Variants in EXOC4 observed in about 807,000 individuals in gnomAD.
EXOC4 encodes exocyst complex component 4.
A neutral mutation model predicts 107.2 loss-of-function variants in EXOC4; 71 were observed. That is an observed-to-expected ratio of 0.66 (90% CI 0.55 to 0.81). The LOEUF (loss-of-function observed/expected upper bound fraction) is 0.81, where lower values mean the gene tolerates loss of function less well. EXOC4 is among the 30% of genes least tolerant of loss of function. The pLI, the probability that EXOC4 is intolerant of heterozygous loss-of-function variation, is 0.00. For synonymous variants in EXOC4, 456 were observed against 441.2 expected, an observed-to-expected ratio of 1.03 and a Z score of -0.42; for missense variants, 1,108 against 1,189.6, an observed-to-expected ratio of 0.93 and a Z score of 1.01.
intron 7 of EXOC4, among the ~76,000 whole-genome samples, chr7:133,466,394 C>T (rs1017960532): frequency 2.6e-5 from 4 of 152,046 alleles, no homozygotes; most frequent in Non-Finnish European, 4.4e-5. Context: ...GGAGATATAA[C>T]TACAGGCTCT....
intron 9 of EXOC4, among the ~76,000 whole-genome samples, chr7:133,554,621 A>G (rs1250230902): frequency 6.6e-6 from 1 of 152,076 alleles, no homozygotes. Context: ...CCTCCTCATT[A>G]TTTGAAACCT....
At chr7:134,056,380 A>T (rs1795924207) in intron 17 of EXOC4, among the ~76,000 whole-genome samples, 2 of 152,248 alleles carry the variant, frequency 1.3e-5, no homozygotes, top group African/African-American at 4.8e-5. Flanking sequence ...TAAATAAAAA[A>T]ATCACAGAAC....
chr7:133,945,392 C>T (rs1472763401), intron 14 of EXOC4, among the ~76,000 whole-genome samples: 1 of 152,174 alleles, frequency 6.6e-6, no homozygotes, highest in Non-Finnish European at 1.5e-5. Flanking sequence ...GTTCTTCTAT[C>T]CTCTGGAGCT....
chr7:133,473,786 C>T (rs887373340), intron 7 of EXOC4, among the ~76,000 whole-genome samples: 8 of 151,844 alleles, frequency 5.3e-5, no homozygotes, highest in African/African-American at 9.7e-5. Flanking sequence ...CTGCAAGCTC[C>T]GCCTCCTGGG....
At chr7:133,320,864 A>C (rs1029638627) in intron 5 of EXOC4, among the ~76,000 whole-genome samples, 1 of 152,218 alleles carries the variant, frequency 6.6e-6, no homozygotes, top group Non-Finnish European at 1.5e-5. Flanking sequence ...TACTAAGTAC[A>C]TATAAAAGTA....
chr7:134,075,554 A>G, the EXOC4 span, among the ~76,000 whole-genome samples: 1 of 152,178 alleles, frequency 6.6e-6, no homozygotes, highest in African/African-American at 2.4e-5. Context: ...AGATCTCATG[A>G]GACTTATTCA....
At chr7:133,789,938 C>G (rs979923147) in intron 10 of EXOC4, among the ~76,000 whole-genome samples, 3 of 152,122 alleles carry the variant, frequency 2.0e-5, no homozygotes, top group Non-Finnish European at 4.4e-5. Flanking sequence ...CAAGGACTTG[C>G]CCCTCTTTCT....
intron 9 of EXOC4, among the ~76,000 whole-genome samples, chr7:133,591,563 TGTGTGC>T (rs1379288500): frequency 0.062 from 912 of 14,598 alleles, 10 homozygotes; most frequent in African/African-American, 0.084. Flanking sequence ...TGTGTGTGTG[TGTGTGC>T]GTGTGTGTGT....
intron 10 of EXOC4, among the ~76,000 whole-genome samples, chr7:133,665,010 A>G (rs1793780879): frequency 2.6e-5 from 4 of 152,258 alleles, no homozygotes; most frequent in East Asian, 1.9e-4. Context: ...GGGAATCTCT[A>G]CTTTGTTAAA....
At position 133,454,358 on chromosome 7, in the gene EXOC4, G is replaced by T. The variant is rs979597138; in HGVS notation, c.1183-20970G>T. Among the ~76,000 whole-genome samples, 5 of 152,272 alleles carry T rather than the reference G, an allele frequency of 3.3e-5. No homozygotes were observed. The East Asian group carries it at 9.7e-4, about 29-fold the overall frequency. ...GTGTTGCCCAGGTTGGGGTGCAATG[G>T]TGTGATCTTGGCTCACTGCAGCCAT... On this transcript the variant is annotated intron_variant, in intron 7 of 17. Transcript: ENST00000253861.
chr7:134,053,550 A>G (rs1271220610), intron 17 of EXOC4, among the ~76,000 whole-genome samples: 1 of 146,972 alleles, frequency 6.8e-6, no homozygotes, highest in Non-Finnish European at 1.5e-5. Context: ...TGATGAAAGT[A>G]TATCTGATTT....
At chr7:133,276,554 G>C (rs1462407809) in intron 2 of EXOC4, among the ~76,000 whole-genome samples, 1 of 151,614 alleles carries the variant, frequency 6.6e-6, no homozygotes, top group Non-Finnish European at 1.5e-5. Flanking sequence ...TTTTTAATGT[G>C]ATATTTTGCA....
At chr7:133,293,712 A>G (rs982169495) in intron 3 of EXOC4, among the ~76,000 whole-genome samples, 2 of 152,210 alleles carry the variant, frequency 1.3e-5, no homozygotes, top group Non-Finnish European at 2.9e-5. Flanking sequence ...TGCATAAAAT[A>G]ATTAAATTGT....
intron 10 of EXOC4, among the ~76,000 whole-genome samples, chr7:133,751,836 T>A (rs1795799548): frequency 6.6e-6 from 1 of 152,080 alleles, no homozygotes; most frequent in Non-Finnish European, 1.5e-5. Flanking sequence ...CTGAATTTTC[T>A]AATTTATTTT....
At chr7:133,830,507 G>A (rs1488724606) in intron 11 of EXOC4, among the ~76,000 whole-genome samples, 1 of 152,200 alleles carries the variant, frequency 6.6e-6, no homozygotes, top group East Asian at 1.9e-4. Flanking sequence ...ATTGCCAACA[G>A]CTATGTTAAA....
intron 9 of EXOC4, among the ~76,000 whole-genome samples, chr7:133,530,066 C>G (rs766040243): frequency 2.1e-4 from 32 of 152,144 alleles, no homozygotes; most frequent in Non-Finnish European, 3.2e-4. Context: ...CCCAAGGTCA[C>G]ATAGCCTGCA....
At chr7:133,552,078 T>C (rs1800600561) in intron 9 of EXOC4, among the ~76,000 whole-genome samples, 1 of 152,204 alleles carries the variant, frequency 6.6e-6, no homozygotes, top group Non-Finnish European at 1.5e-5. Flanking sequence ...ATATTGTGAA[T>C]GGCACTTGGC....
chr7:134,052,331 C>T (rs1037900995), intron 17 of EXOC4, among the ~76,000 whole-genome samples: 3 of 152,044 alleles, frequency 2.0e-5, no homozygotes, highest in Non-Finnish European at 4.4e-5. Flanking sequence ...AGGGAAGATA[C>T]TGGATACAAG....
At chr7:133,256,175 GTTTCACCATGT>G (rs1320181415) in intron 1 of EXOC4, among the ~76,000 whole-genome samples, 2 of 152,104 alleles carry the variant, frequency 1.3e-5, no homozygotes, top group Non-Finnish European at 2.9e-5. Flanking sequence ...TAGAGGCAGG[GTTTCACCATGT>G]TAGCCAGGAT....
Sources: gnomAD v4.1 joint callset for allele counts (sites outside exome capture counted in the v4.1 genomes callset) on GRCh38, gnomAD v4.1.1 for gene constraint, MANE v1.5 for transcripts, NCBI Gene and HGNC (gene_info 2026-07-23, HGNC 2026-07-21) for gene names.